The following TMEM177 variants were observed in gnomAD, a reference collection of about 807,000 sequenced individuals.
The protein encoded by TMEM177 is transmembrane protein 177.
TMEM177 carries 4 observed loss-of-function variants against 14.2 expected under a neutral mutation model. The observed-to-expected ratio is 0.28, with a 90% CI of 0.14 to 0.64. The LOEUF (loss-of-function observed/expected upper bound fraction) is 0.64. Ranked by LOEUF, TMEM177 falls within the 30% of genes least tolerant of loss-of-function variation. The pLI is 0.82. For synonymous variants in TMEM177, 179 were observed against 174.5 expected, an observed-to-expected ratio of 1.03 and a Z score of -0.20; for missense variants, 344 against 405.2, an observed-to-expected ratio of 0.85 and a Z score of 1.30.
chr2:119,691,769 G>A, the TMEM177 span, among the ~76,000 whole-genome samples: 1 of 152,224 alleles, frequency 6.6e-6, no homozygotes, highest in Non-Finnish European at 1.5e-5. Context: ...CCACATGGGA[G>A]AGGCTGCTGC....
chr2:119,703,301 G>A, the TMEM177 span, among the ~76,000 whole-genome samples: 1 of 152,192 alleles, frequency 6.6e-6, no homozygotes, highest in Non-Finnish European at 1.5e-5. Context: ...GGACCTCTTG[G>A]GACAGCTGGG....
the TMEM177 span, among the ~76,000 whole-genome samples, chr2:119,701,106 C>A: frequency 6.6e-6 from 1 of 152,220 alleles, no homozygotes; most frequent in Non-Finnish European, 1.5e-5. Flanking sequence ...TTATTCCTCC[C>A]CCATCCCTCC....
the TMEM177 span, among the ~76,000 whole-genome samples, chr2:119,702,244 G>C: frequency 3.3e-5 from 5 of 152,354 alleles, no homozygotes; most frequent in South Asian, 1.0e-3. Context: ...AAGCAAGATG[G>C]AGTCGGTTAG....
At chr2:119,699,977 T>G in the TMEM177 span, 2 of 369,878 alleles carry the variant, frequency 5.4e-6, no homozygotes, top group Non-Finnish European at 1.1e-5. Context: ...GCACGTAAAA[T>G]GCCCCTCCAG....
the TMEM177 span, among the ~76,000 whole-genome samples, chr2:119,715,024 G>A: frequency 2.6e-5 from 4 of 152,180 alleles, no homozygotes; most frequent in Admixed American, 6.5e-5. Flanking sequence ...AGGCACTTGA[G>A]CTCCCATTGT....
chr2:119,719,513 A>C, the TMEM177 span, among the ~76,000 whole-genome samples: 4 of 152,180 alleles, frequency 2.6e-5, no homozygotes, highest in African/African-American at 4.8e-5. Flanking sequence ...ATGAGGTGCA[A>C]TTCTGGCTAG....
In TMEM177 at chr2:119,681,864, C is replaced by T. The variant is rs539274547; in HGVS notation, c.*75C>T. 1 of 1,431,444 alleles carries T rather than the reference C, an allele frequency of 7.0e-7. No homozygotes were observed. The allele number at this position is 1,431,444 out of a possible 1,614,324, so 88.7% of individuals were successfully genotyped here. A position where few individuals can be genotyped will look rare whatever the true frequency, so the allele number is the denominator to read the frequency against. ...TTGAGTCTGGAGGGCCCTGTTGGAG[C>T]CTTTGGACCTATAGCTCACGGCCAG... On this transcript the variant is annotated 3_prime_UTR_variant, in exon 2 of 2. Transcript: ENST00000272521.
chr2:119,694,210 AAC>A, the TMEM177 span, among the ~76,000 whole-genome samples: 3 of 142,728 alleles, frequency 2.1e-5, no homozygotes, highest in East Asian at 2.1e-4. Flanking sequence ...ATGCACACAC[AAC>A]ACAAACACAT....
chr2:119,691,012 G>A (rs571162523), downstream of TMEM177, among the ~76,000 whole-genome samples: 2 of 152,328 alleles, frequency 1.3e-5, no homozygotes, highest in East Asian at 3.9e-4. Context: ...GGCCCTTCTG[G>A]TTCCATAGCT....
chr2:119,709,464 C>T, the TMEM177 span, among the ~76,000 whole-genome samples: 4 of 152,032 alleles, frequency 2.6e-5, no homozygotes, highest in South Asian at 2.1e-4. Flanking sequence ...TCACTTGAGC[C>T]CAGGAGTCCA....
At chr2:119,684,250 G>A (rs140692603), downstream of TMEM177, among the ~76,000 whole-genome samples, 27 of 152,226 alleles carry the variant, frequency 1.8e-4, no homozygotes, top group East Asian at 1.7e-3. Context: ...TCTGGGCTGC[G>A]GTCTCACAGC....
chr2:119,700,956 G>T, the TMEM177 span, among the ~76,000 whole-genome samples: 10 of 152,202 alleles, frequency 6.6e-5, no homozygotes, highest in Admixed American at 1.3e-4. Context: ...CAGGGAGGAC[G>T]CTGTCCCTAA....
At chr2:119,693,180 G>A in the TMEM177 span, among the ~76,000 whole-genome samples, 3 of 152,202 alleles carry the variant, frequency 2.0e-5, no homozygotes, top group East Asian at 5.8e-4. Flanking sequence ...GGTCAAGGCC[G>A]TGGCCGCAGT....
the TMEM177 span, among the ~76,000 whole-genome samples, chr2:119,710,293 A>T: frequency 2.0e-5 from 3 of 152,218 alleles, no homozygotes; most frequent in African/African-American, 7.2e-5. Flanking sequence ...TTATAGGAGC[A>T]GTGTATTGGG....
At chr2:119,687,292 G>A (rs1388461693), downstream of TMEM177, among the ~76,000 whole-genome samples, 3 of 152,170 alleles carry the variant, frequency 2.0e-5, no homozygotes, top group Non-Finnish European at 4.4e-5. Context: ...AGAACCGTGT[G>A]AGCCTGGAAT....
At position 119,681,510 on chromosome 2, in the gene TMEM177, C is replaced by T; in HGVS notation, c.657C>T (p.Ser219=). The change falls in exon 2 of 2, where the codon TCC becomes TCT. Residue 219 remains serine (S), a synonymous_variant. Transcript: ENST00000272521. ...AVAGFVAYAF[S]QDSLTHAVES... is the part of the protein sequence containing the mutation. Reference sequence around the variant, plus strand: ...CAGGCTTTGTGGCCTACGCCTTCTCCCAGGATTCTCTCACTCATGCCGTGG... The same window carrying T: ...CAGGCTTTGTGGCCTACGCCTTCTCTCAGGATTCTCTCACTCATGCCGTGG... The T allele has an allele frequency of 6.2e-7, 1 of 1,613,954 alleles. No homozygotes were observed. Among genetic ancestry groups the T allele is most frequent in the African/African-American group, 1.3e-5 (1 of 75,072 alleles).
chr2:119,703,084 C>T, the TMEM177 span, among the ~76,000 whole-genome samples: 5 of 152,314 alleles, frequency 3.3e-5, no homozygotes, highest in East Asian at 1.9e-4. Context: ...GGAGAAGGGC[C>T]GGTGGAAGCC....
the TMEM177 span, among the ~76,000 whole-genome samples, chr2:119,715,907 C>A: frequency 2.0e-5 from 3 of 152,176 alleles, no homozygotes; most frequent in African/African-American, 7.2e-5. Context: ...GGCAACCCCG[C>A]GTCAGAGGGG....
chr2:119,706,495 G>GTAGTAATGCTA, the TMEM177 span, among the ~76,000 whole-genome samples: 2 of 152,136 alleles, frequency 1.3e-5, no homozygotes, highest in African/African-American at 4.8e-5. Context: ...GCTAGCGCTG[G>GTAGTAATGCTA]GCCACAGAGG....
Sources: allele counts gnomAD v4.1 joint callset (sites outside exome capture counted in the v4.1 genomes callset), GRCh38; gene constraint gnomAD v4.1.1; transcripts MANE v1.5; gene names NCBI Gene and HGNC (gene_info 2026-07-23, HGNC 2026-07-21).